The following TMEM64 variants were observed in gnomAD, a reference collection of about 807,000 sequenced individuals.
TMEM64 encodes transmembrane protein 64.
In TMEM64, 19 loss-of-function variants were observed where a neutral mutation model predicts 24.5. That is an observed-to-expected ratio of 0.78 (90% CI 0.54 to 1.14). TMEM64 has a LOEUF of 1.14. Among genes scored for constraint, TMEM64 ranks in the 50% most tolerant of loss-of-function variants. The pLI is 0.00. For missense variants in TMEM64, 487 were observed against 493.0 expected, an observed-to-expected ratio of 0.99 and a Z score of 0.12; for synonymous variants, 262 against 224.7, an observed-to-expected ratio of 1.17 and a Z score of -1.49.
At chr8:90,628,377 CAAT>C (rs770944619) in intron 2 of TMEM64, among the ~76,000 whole-genome samples, 66 of 152,140 alleles carry the variant, frequency 4.3e-4, no homozygotes, top group East Asian at 3.1e-3. Context: ...AATCTGCTGA[CAAT>C]AAAGATGGAA....
chr8:90,643,620 T>C (rs1257796352), intron 1 of TMEM64, among the ~76,000 whole-genome samples: 1 of 152,218 alleles, frequency 6.6e-6, no homozygotes. Flanking sequence ...CAAGGATACA[T>C]GCTATATTGA....
At chr8:90,627,989 G>C (rs1272932917) in intron 2 of TMEM64, among the ~76,000 whole-genome samples, 1 of 152,182 alleles carries the variant, frequency 6.6e-6, no homozygotes, top group African/African-American at 2.4e-5. Context: ...CAGGGCCACA[G>C]ATAGCAAGGG....
rs185228389 is a variant in TMEM64 at position 90,638,043 on chromosome 8, G to A, written c.796-6336C>T. ...CCTTCTCTGGGGAAATCTATCCACC[G>A]TCTGGGCCTATTTCTAATTCAGTCT... On this transcript the variant is annotated intron_variant, in intron 1 of 2. Transcript: ENST00000458549. Among the ~76,000 whole-genome samples the A allele has an allele frequency of 2.9e-3, 439 of 152,140 alleles. 1 individual carries two copies. Among genetic ancestry groups the A allele is most frequent in the African/African-American group, 9.9e-3 (410 of 41,520 alleles).
chr8:90,633,009 T>C (rs1369034121), intron 1 of TMEM64, among the ~76,000 whole-genome samples: 1 of 152,232 alleles, frequency 6.6e-6, no homozygotes, highest in African/African-American at 2.4e-5. Flanking sequence ...ATGACATCTT[T>C]TGGATATTAA....
chr8:90,623,249 G>C lies in TMEM64; in HGVS notation c.*2422C>G, dbSNP rs1458061152. The C allele has an allele frequency of 6.6e-6, 1 of 152,012 alleles. No homozygotes were observed. Among genetic ancestry groups the C allele is most frequent in the Non-Finnish European group, 1.5e-5 (1 of 67,998 alleles). The allele number at this position is 152,012 out of a possible 1,614,324, so 9.4% of individuals were successfully genotyped here. On this transcript the variant is annotated 3_prime_UTR_variant, in exon 3 of 3. Coordinates refer to ENST00000458549, the MANE Select transcript of TMEM64 (RefSeq NM_001008495.4). The stretch of plus-strand genomic sequence containing the variant: ...TCATTTCTATAAATATACATGAGTG[G>C]AGACATTTTATAAGTACATATGACT...
intron 2 of TMEM64, among the ~76,000 whole-genome samples, chr8:90,628,202 C>G (rs1026559879): frequency 5.3e-5 from 8 of 152,178 alleles, no homozygotes; most frequent in African/African-American, 1.9e-4. Context: ...GAATCAAACA[C>G]AGGCAGAAGG....
intron 1 of TMEM64, among the ~76,000 whole-genome samples, chr8:90,636,184 A>T (rs1254114141): frequency 6.6e-6 from 1 of 152,248 alleles, no homozygotes; most frequent in Non-Finnish European, 1.5e-5. Context: ...AGTAACATAC[A>T]TATACACAGG....
intron 2 of TMEM64, among the ~76,000 whole-genome samples, chr8:90,628,835 G>A (rs940513739): frequency 1.3e-4 from 20 of 152,274 alleles, no homozygotes; most frequent in African/African-American, 4.6e-4. Context: ...ATTTGGATTA[G>A]GGATACTCAA....
chr8:90,640,295 A>C (rs1361204046), intron 1 of TMEM64, among the ~76,000 whole-genome samples: 3 of 152,192 alleles, frequency 2.0e-5, no homozygotes, highest in Non-Finnish European at 4.4e-5. Flanking sequence ...CTTTTTTTGA[A>C]TCTATGGCTC....
At chr8:90,644,632 A>G (rs528340540) in intron 1 of TMEM64, among the ~76,000 whole-genome samples, 3 of 152,382 alleles carry the variant, frequency 2.0e-5, no homozygotes, top group Non-Finnish European at 2.9e-5. Context: ...CAAATTTAGC[A>G]AACTCCAAAA....
rs1027234416 is a variant in TMEM64, at chr8:90,624,197, C to T, written c.*1474G>A. On this transcript the variant is annotated 3_prime_UTR_variant, in exon 3 of 3. Coordinates refer to ENST00000458549, the MANE Select transcript of TMEM64 (RefSeq NM_001008495.4). ...TACCTGATAGAGCAAAAAGATCACA[C>T]ATTAAAATGATCAAATTCATCTCTA... The T allele has an allele frequency of 1.3e-5, 2 of 151,988 alleles. No individual in the cohort carries two copies. The highest frequency in any genetic ancestry group is 4.8e-5 in the African/African-American group (2 of 41,408). The allele number at this position is 151,988 out of a possible 1,614,324, so 9.4% of individuals were successfully genotyped here.
At chr8:90,633,457 G>C (rs1334355663) in intron 1 of TMEM64, among the ~76,000 whole-genome samples, 1 of 152,182 alleles carries the variant, frequency 6.6e-6, no homozygotes, top group Non-Finnish European at 1.5e-5. Flanking sequence ...TCCTGACCCA[G>C]AGAAATTGTG....
rs2130492249 is a variant in TMEM64, at chr8:90,624,777, T to C, written c.*894A>G. 6.5e-6 allele frequency: 1 copy of C among 152,718 alleles called. No homozygotes were observed. The allele number at this position is 152,718 out of a possible 1,614,324, so 9.5% of individuals were successfully genotyped here. ...AAACAAGGCCACCTGAGTGACATCT[T>C]CAATGATGGTAAGCCCACCATTTTA... On this transcript the variant is annotated 3_prime_UTR_variant, in exon 3 of 3. Coordinates refer to ENST00000458549, the MANE Select transcript of TMEM64 (RefSeq NM_001008495.4).
rs1273025779 is a variant in TMEM64, at chr8:90,624,299, GA to G, written c.*1371del. 6 of 152,042 alleles carry G rather than the reference GA, an allele frequency of 3.9e-5. No homozygotes were observed. The highest frequency in any genetic ancestry group is 3.9e-4 in the Admixed American group (6 of 15,282). 9.4% of individuals were successfully genotyped at this position (152,042 alleles called of 1,614,324 possible). ...ATGAGGGCAAAGCTTTCACCGTAAT[GA>G]AAAGGCAAATGGGAGGTCTCTGATA... On this transcript the variant is annotated 3_prime_UTR_variant, in exon 3 of 3. Coordinates refer to ENST00000458549, the MANE Select transcript of TMEM64 (RefSeq NM_001008495.4).
chr8:90,625,911 A>T, intron 2 of TMEM64, 49 bp from the exon 3 acceptor site: 1 of 1,376,108 alleles, frequency 7.3e-7, no homozygotes, highest in Non-Finnish European at 9.9e-7. Flanking sequence ...TATACAAAAA[A>T]AAGAAATAAA....
intron 1 of TMEM64, among the ~76,000 whole-genome samples, chr8:90,643,050 T>C (rs10046723): frequency 0.17 from 25,968 of 152,040 alleles, 4,689 homozygotes; most frequent in African/African-American, 0.46. Context: ...CTCTTAGTTA[T>C]ATACTTAATA....
chr8:90,639,022 G>A (rs16905041), intron 1 of TMEM64, among the ~76,000 whole-genome samples: 1 of 151,272 alleles, frequency 6.6e-6, no homozygotes, highest in Non-Finnish European at 1.5e-5. Context: ...TCCAGAAACC[G>A]CCATGGTGAA....
At chr8:90,631,529 A>T (rs1464788036) in intron 2 of TMEM64, 23 bp downstream of exon 2, 1 of 1,480,120 alleles carries the variant, frequency 6.8e-7, no homozygotes, top group Non-Finnish European at 9.1e-7. Context: ...AAAAAAAGAG[A>T]CAACCCTTGG....
intron 1 of TMEM64, among the ~76,000 whole-genome samples, chr8:90,644,532 AG>A (rs1404058465): frequency 6.6e-6 from 1 of 152,226 alleles, no homozygotes; most frequent in Non-Finnish European, 1.5e-5. Context: ...TTCGAAATGA[AG>A]TTCCTCCAAA....
Sources: gnomAD v4.1 joint callset for allele counts (sites outside exome capture counted in the v4.1 genomes callset) on GRCh38, gnomAD v4.1.1 for gene constraint, MANE v1.5 for transcripts, NCBI Gene and HGNC (gene_info 2026-07-23, HGNC 2026-07-21) for gene names.